Variants in AFF3 observed in about 807,000 individuals in gnomAD.
AFF3 encodes AF4/FMR2 family member 3.
AFF3 carries 32 observed loss-of-function variants against 129.7 expected under a neutral mutation model. That is an observed-to-expected ratio of 0.25 (90% CI 0.19 to 0.33). AFF3 has a LOEUF of 0.33. Among genes scored for constraint, AFF3 ranks in the 10% least tolerant of loss-of-function variants. The pLI is 1.00. For synonymous variants in AFF3, 644 were observed against 635.4 expected, an observed-to-expected ratio of 1.01 and a Z score of -0.20; for missense variants, 1,373 against 1,592.0, an observed-to-expected ratio of 0.86 and a Z score of 2.34.
intron 17 of AFF3, among the ~76,000 whole-genome samples, chr2:99,581,326 A>G (rs953556612): frequency 1.1e-4 from 16 of 152,266 alleles, no homozygotes; most frequent in Admixed American, 2.6e-4. Flanking sequence ...GTCTTCCCCA[A>G]TTCTTTCAGT....
intron 7 of AFF3, among the ~76,000 whole-genome samples, chr2:99,849,518 T>G (rs1001507523): frequency 3.3e-5 from 5 of 152,080 alleles, no homozygotes; most frequent in Admixed American, 6.6e-5. Flanking sequence ...GACCATACGT[T>G]TTTCATTTGT....
At chr2:99,975,878 A>G (rs574816816) in intron 7 of AFF3, among the ~76,000 whole-genome samples, 2 of 150,350 alleles carry the variant, frequency 1.3e-5, no homozygotes, top group Admixed American at 6.6e-5. Flanking sequence ...GAAAAAAAAA[A>G]AAAAGAAAAA....
chr2:99,904,100 G>A (rs931725934), intron 7 of AFF3, among the ~76,000 whole-genome samples: 6 of 152,002 alleles, frequency 3.9e-5, no homozygotes. Flanking sequence ...CTGGAAACTA[G>A]ATACGTCATT....
At chr2:99,830,894 T>A (rs1688469507) in intron 8 of AFF3, among the ~76,000 whole-genome samples, 4 of 152,244 alleles carry the variant, frequency 2.6e-5, no homozygotes, top group African/African-American at 7.2e-5. Context: ...TATTCATTCA[T>A]TCATTTTCAG....
intron 7 of AFF3, among the ~76,000 whole-genome samples, chr2:99,924,233 G>C (rs1011930726): frequency 1.2e-4 from 18 of 152,234 alleles, no homozygotes; most frequent in Admixed American, 5.2e-4. Flanking sequence ...CCCTGTTGTG[G>C]GGGGTTAAAT....
At chr2:99,609,530 C>T (rs1167591441) in intron 13 of AFF3, among the ~76,000 whole-genome samples, 1 of 152,198 alleles carries the variant, frequency 6.6e-6, no homozygotes, top group African/African-American at 2.4e-5. Flanking sequence ...AGTCTCCAGA[C>T]CCATCCAGGT....
intron 4 of AFF3, among the ~76,000 whole-genome samples, chr2:100,065,867 G>A (rs938403435): frequency 1.3e-5 from 2 of 152,122 alleles, no homozygotes; most frequent in African/African-American, 4.8e-5. Flanking sequence ...TTAAAATTAA[G>A]TATAAAAGAG....
At chr2:100,026,782 G>T (rs1684084086) in intron 4 of AFF3, among the ~76,000 whole-genome samples, 1 of 150,940 alleles carries the variant, frequency 6.6e-6, no homozygotes, top group Non-Finnish European at 1.5e-5. Context: ...CATTTGCAGT[G>T]ACCTGGATAA....
chr2:100,056,725 C>CTCTATACCATCTGCTCTATACCA, intron 4 of AFF3, among the ~76,000 whole-genome samples: 1 of 152,098 alleles, frequency 6.6e-6, no homozygotes, highest in Non-Finnish European at 1.5e-5. Flanking sequence ...CATTTGTTTA[C>CTCTATACCATCTGCTCTATACCA]TCTATACCAT....
intron 4 of AFF3, among the ~76,000 whole-genome samples, chr2:100,060,572 T>G (rs1687189321): frequency 6.6e-6 from 1 of 152,186 alleles, no homozygotes; most frequent in South Asian, 2.1e-4. Context: ...GATAAATGAT[T>G]TAAATATTTA....
At chr2:100,067,016 A>C (rs1687774779) in intron 4 of AFF3, among the ~76,000 whole-genome samples, 1 of 152,174 alleles carries the variant, frequency 6.6e-6, no homozygotes, top group African/African-American at 2.4e-5. Context: ...AGAAAATGTC[A>C]CTTGATTCAT....
intron 11 of AFF3, among the ~76,000 whole-genome samples, chr2:99,698,008 G>T (rs1276577551): frequency 6.6e-6 from 1 of 151,988 alleles, no homozygotes; most frequent in Non-Finnish European, 1.5e-5. Context: ...AATTTTCTGT[G>T]TATTCCCAGC....
intron 14 of AFF3, among the ~76,000 whole-genome samples, chr2:99,600,778 T>C (rs143636604): frequency 2.0e-5 from 3 of 152,320 alleles, no homozygotes; most frequent in Non-Finnish European, 2.9e-5. Flanking sequence ...TTCCCCTTCC[T>C]ACTTTAAAGT....
chr2:99,689,804 C>T (rs978639978), intron 11 of AFF3, among the ~76,000 whole-genome samples: 4 of 151,670 alleles, frequency 2.6e-5, no homozygotes, highest in African/African-American at 9.7e-5. Flanking sequence ...GAAAAATGAG[C>T]TCAAAATAAG....
At chr2:100,046,170 C>A (rs919752760) in intron 4 of AFF3, among the ~76,000 whole-genome samples, 6 of 152,154 alleles carry the variant, frequency 3.9e-5, no homozygotes, top group Non-Finnish European at 8.8e-5. Flanking sequence ...GCATGTAAGG[C>A]ATGTACTTAG....
chr2:99,697,005 T>G (rs973416189), intron 11 of AFF3, among the ~76,000 whole-genome samples: 1 of 152,166 alleles, frequency 6.6e-6, no homozygotes, highest in Non-Finnish European at 1.5e-5. Context: ...TCCTTTGCTT[T>G]CCTCTTCTAT....
intron 7 of AFF3, among the ~76,000 whole-genome samples, chr2:99,938,523 A>G (rs1449883915): frequency 6.6e-6 from 1 of 152,208 alleles, no homozygotes; most frequent in Non-Finnish European, 1.5e-5. Flanking sequence ...CATTTGGTAA[A>G]TACTAGTCTA....
chr2:99,805,851 C>CACACACA (rs57054788), intron 8 of AFF3, among the ~76,000 whole-genome samples: 1 of 150,330 alleles, frequency 6.7e-6, no homozygotes, highest in Non-Finnish European at 1.5e-5. Flanking sequence ...CACACACACA[C>CACACACA]GATGAAGGAA....
chr2:100,055,688 C>A (rs1000720347), intron 4 of AFF3, among the ~76,000 whole-genome samples: 2 of 152,196 alleles, frequency 1.3e-5, no homozygotes, highest in Admixed American at 6.5e-5. Flanking sequence ...ATAGGCTTTG[C>A]GGGCCAAATG....
Sources: allele counts gnomAD v4.1 joint callset (sites outside exome capture counted in the v4.1 genomes callset), GRCh38; gene constraint gnomAD v4.1.1; transcripts MANE v1.5; gene names NCBI Gene and HGNC (gene_info 2026-07-23, HGNC 2026-07-21).